The following ZNF182 variants were observed in gnomAD, a reference collection of about 807,000 sequenced individuals.
ZNF182 encodes zinc finger protein 182.
A neutral mutation model predicts 28.1 loss-of-function variants in ZNF182; 10 were observed. That is an observed-to-expected ratio of 0.36 (90% confidence interval 0.22 to 0.60). The LOEUF (loss-of-function observed/expected upper bound fraction) is 0.60. Ranked by LOEUF, ZNF182 falls within the 20% of genes least tolerant of loss-of-function variation. The pLI, the probability that ZNF182 is intolerant of heterozygous loss-of-function variation, is 0.75. For missense variants in ZNF182, 352 were observed against 453.2 expected (o/e 0.78, Z 2.03); for synonymous variants, 156 against 158.7 (o/e 0.98, Z 0.13).
At position 47,976,651 on chromosome X, in the gene ZNF182, C is replaced by T; in HGVS notation, c.1379G>A (p.Gly460Asp). 1 of 1,207,941 alleles carries T rather than the reference C, an allele frequency of 8.3e-7. No individual in the cohort carries two copies. Among genetic ancestry groups the T allele is most frequent in the Non-Finnish European group, 1.1e-6 (1 of 893,804 alleles). Reference protein sequence around the residue: ...QKSYLMLHQRGHTGEKPYECN... With the variant: ...QKSYLMLHQRDHTGEKPYECN... ...CTCGTAAGGTTTCTCTCCTGTATGA[C>T]CTCTCTGATGCAGCATGAGGTAGGA... Residue 460 changes from glycine to aspartate, a missense_variant, in exon 6 of 6, where the codon GGT (glycine) becomes GAT (aspartate). Transcript: ENST00000376943.
In ZNF182 at chrX:47,975,547, T is replaced by C. The variant is rs1482543555; in HGVS notation, c.*620A>G. On this transcript the variant is annotated 3_prime_UTR_variant, in exon 6 of 6. Transcript: ENST00000376943. ...TTTTTTTTGACAACTGAGAATTTTT[T>C]CCCCCCACAGCTGTTCGTTCTTTCT... 1 of 109,976 alleles carries C rather than the reference T, an allele frequency of 9.1e-6. No individual in the cohort carries two copies. The highest frequency in any genetic ancestry group is 1.9e-5 in the Non-Finnish European group (1 of 52,568). The allele number at this position is 109,976 out of a possible 1,213,427, so 9.1% of individuals were successfully genotyped here.
chrX:48,002,537 C>T (rs1443959091), intron 3 of ZNF182, 58 bp downstream of exon 3: 4 of 1,187,400 alleles, frequency 3.4e-6, no homozygotes, highest in Non-Finnish European at 4.6e-6. Flanking sequence ...GGGATTTCCA[C>T]ATATTTCGTC....
intron 3 of ZNF182, among the ~76,000 whole-genome samples, chrX:47,997,176 A>C (rs2058961600): frequency 9.2e-6 from 1 of 108,216 alleles, no homozygotes; most frequent in Admixed American, 1.0e-4. Flanking sequence ...AAAATTAGCC[A>C]GTCGTGGTGG....
At chrX:47,978,951 T>G (rs1173542695) in intron 5 of ZNF182, among the ~76,000 whole-genome samples, 2 of 112,702 alleles carry the variant, frequency 1.8e-5, no homozygotes, top group African/African-American at 6.4e-5. Context: ...ATCAATGTCA[T>G]AGGTTAACTG....
At chrX:47,996,258 TTCAC>T (rs2058958198) in intron 3 of ZNF182, among the ~76,000 whole-genome samples, 3 of 108,574 alleles carry the variant, frequency 2.8e-5, no homozygotes. Flanking sequence ...GATGGTAAGG[TTCAC>T]ACACTCCATT....
chrX:48,000,061 G>C (rs2058973564), intron 3 of ZNF182, among the ~76,000 whole-genome samples: 1 of 109,818 alleles, frequency 9.1e-6, no homozygotes, highest in Non-Finnish European at 1.9e-5. Context: ...GCTTGAACCT[G>C]AGAGCCGGAG....
intron 3 of ZNF182, among the ~76,000 whole-genome samples, chrX:47,998,827 C>T (rs1033652993): frequency 8.1e-4 from 82 of 101,183 alleles, no homozygotes; most frequent in Middle Eastern, 4.7e-3. Flanking sequence ...CCACTATACT[C>T]CTAAGTGACA....
intron 3 of ZNF182, among the ~76,000 whole-genome samples, chrX:47,998,915 T>A (rs1206562029): frequency 9.2e-6 from 1 of 108,829 alleles, no homozygotes; most frequent in Non-Finnish European, 1.9e-5. Flanking sequence ...TGGGTATACA[T>A]CCAAAGGATC....
intron 3 of ZNF182, among the ~76,000 whole-genome samples, chrX:47,997,886 G>A: frequency 9.0e-6 from 1 of 111,162 alleles, no homozygotes; most frequent in Non-Finnish European, 1.9e-5. Context: ...AAGGGAAACT[G>A]ATGCAACTGA....
intron 5 of ZNF182, among the ~76,000 whole-genome samples, chrX:47,978,233 A>G (rs1306388183): frequency 9.0e-6 from 1 of 110,786 alleles, no homozygotes; most frequent in East Asian, 2.8e-4. Context: ...ACATCTGGCT[A>G]ATTTTTGTAT....
rs1556898183 is a variant in ZNF182, at chrX:47,976,644, T to G, written c.1386A>C (p.Thr462=). 1.7e-6 allele frequency: 2 copies of G among 1,208,738 alleles called. No individual in the cohort carries two copies. The highest frequency in any genetic ancestry group is 1.8e-5 in the South Asian group (1 of 56,303). The part of the protein sequence containing the change: ...SYLMLHQRGH[T]GEKPYECNEC... ...CATTGCACTCGTAAGGTTTCTCTCC[T>G]GTATGACCTCTCTGATGCAGCATGA... The change falls in exon 6 of 6, where the codon ACA becomes ACC. Residue 462 remains threonine, a synonymous_variant. Transcript: ENST00000376943.
chrX:47,987,713 T>C (rs901002171), intron 3 of ZNF182, among the ~76,000 whole-genome samples: 11 of 112,103 alleles, frequency 9.8e-5, no homozygotes, highest in African/African-American at 3.2e-4. Flanking sequence ...CAGATGTAGA[T>C]ATATATGTAC....
intron 3 of ZNF182, among the ~76,000 whole-genome samples, chrX:47,994,946 C>T (rs2058953872): frequency 1.8e-5 from 2 of 109,214 alleles, no homozygotes; most frequent in Admixed American, 9.7e-5. Context: ...GCCAACTGTG[C>T]CTTTTTATAT....
At chrX:47,980,086 A>G (rs1294727439) in intron 5 of ZNF182, among the ~76,000 whole-genome samples, 1 of 111,659 alleles carries the variant, frequency 9.0e-6, no homozygotes, top group Non-Finnish European at 1.9e-5. Flanking sequence ...AGAAAATGTC[A>G]TCTATTTACA....
At chrX:47,983,960 C>T (rs1030670949) in intron 3 of ZNF182, among the ~76,000 whole-genome samples, 25 of 111,498 alleles carry the variant, frequency 2.2e-4, no homozygotes, top group Admixed American at 2.2e-3. Flanking sequence ...AAGGAAAAGA[C>T]AAGTGTTATA....
intron 5 of ZNF182, among the ~76,000 whole-genome samples, chrX:47,981,177 G>A (rs986048618): frequency 1.8e-5 from 2 of 111,900 alleles, no homozygotes; most frequent in Non-Finnish European, 3.8e-5. Context: ...CCTCTAAATC[G>A]TGGGCTTAAA....
chrX:47,988,288 G>A (rs1556900011), intron 3 of ZNF182, among the ~76,000 whole-genome samples: 1 of 110,584 alleles, frequency 9.0e-6, no homozygotes, highest in Non-Finnish European at 1.9e-5. Flanking sequence ...CTGCACTCCA[G>A]CCTGGGCAAC....
At chrX:47,990,120 C>T (rs971267976) in intron 3 of ZNF182, among the ~76,000 whole-genome samples, 3 of 110,884 alleles carry the variant, frequency 2.7e-5, no homozygotes, top group Non-Finnish European at 1.9e-5. Flanking sequence ...AAAACAGCAA[C>T]TGACAAAATA....
chrX:47,984,569 C>T (rs1425392707), intron 3 of ZNF182, among the ~76,000 whole-genome samples: 2 of 110,628 alleles, frequency 1.8e-5, no homozygotes, highest in Non-Finnish European at 3.8e-5. Context: ...CAATGGAATG[C>T]TGTATAGTAA....
Sources: allele counts gnomAD v4.1 joint callset (sites outside exome capture counted in the v4.1 genomes callset), GRCh38; gene constraint gnomAD v4.1.1; transcripts MANE v1.5; gene names NCBI Gene and HGNC (gene_info 2026-07-23, HGNC 2026-07-21).